The following CDH6 variants were observed in gnomAD, a reference collection of about 807,000 sequenced individuals.
CDH6 encodes cadherin-6.
In CDH6, 31 loss-of-function variants were observed where a neutral mutation model predicts 78.0. The observed-to-expected ratio is 0.40, with a 90% CI of 0.30 to 0.54. The LOEUF (loss-of-function observed/expected upper bound fraction) is 0.54, where lower values mean the gene tolerates loss of function less well. CDH6 is among the 20% of genes least tolerant of loss of function. The pLI, the probability that CDH6 is intolerant of heterozygous loss-of-function variation, is 0.56. For synonymous variants in CDH6, 376 were observed against 368.8 expected (o/e 1.02, Z -0.23); for missense variants, 724 against 975.9 (o/e 0.74, Z 3.44).
rs750696655 is a variant in CDH6, at chr5:31,326,680, A to ATTTTTTTTT, written c.*3372_*3373insTTTTTTTTT. ...CAAAGAGTTGTGCAGAAAATCTTAA[A>ATTTTTTTTT]ATTTTTTTTTTTTTTTTTTTTTTTT... is the stretch of plus-strand genomic sequence containing the variant. On this transcript the variant is annotated 3_prime_UTR_variant, in exon 12 of 12. Transcript: ENST00000265071. 7 of 130,316 alleles carry ATTTTTTTTT rather than the reference A, an allele frequency of 5.4e-5. 2 individuals are homozygous for ATTTTTTTTT. The highest frequency in any genetic ancestry group is 3.2e-5 in the Non-Finnish European group (2 of 61,678). The allele number at this position is 130,316 out of a possible 1,614,324, so 8.1% of individuals were successfully genotyped here.
chr5:31,311,573 T>C (rs1738155957), intron 7 of CDH6, among the ~76,000 whole-genome samples: 1 of 152,234 alleles, frequency 6.6e-6, no homozygotes, highest in Non-Finnish European at 1.5e-5. Context: ...TATTAGTTCA[T>C]TCTCACACTG....
chr5:31,302,798 GAGAAAGAAAGAAAGAAAGAA>G (rs1180539177), intron 6 of CDH6, among the ~76,000 whole-genome samples: 3 of 36,598 alleles, frequency 8.2e-5, no homozygotes, highest in Non-Finnish European at 1.6e-4. Flanking sequence ...GAGAGAGAGA[GAGAAAGAAAGAAAGAAAGAA>G]AGAAAGAAAG....
chr5:31,249,533 C>CAAGA (rs1741851692), intron 1 of CDH6: 1 of 152,234 alleles, frequency 6.6e-6, no homozygotes, highest in Admixed American at 6.5e-5. Flanking sequence ...GAGGAAGGAA[C>CAAGA]AAGAATACTT....
At chr5:31,212,297 T>G (rs1740729819) in intron 1 of CDH6, among the ~76,000 whole-genome samples, 1 of 152,208 alleles carries the variant, frequency 6.6e-6, no homozygotes, top group Non-Finnish European at 1.5e-5. Flanking sequence ...TTCTTCCAAA[T>G]TTTCAATCAA....
intron 1 of CDH6, among the ~76,000 whole-genome samples, chr5:31,233,227 C>CA (rs752923052): frequency 6.0e-5 from 9 of 149,782 alleles, no homozygotes; most frequent in South Asian, 4.2e-4. Flanking sequence ...ATATTTTACA[C>CA]AAAAAAATAA....
intron 3 of CDH6, among the ~76,000 whole-genome samples, chr5:31,295,087 C>T (rs1450953395): frequency 6.6e-6 from 1 of 152,136 alleles, no homozygotes; most frequent in Non-Finnish European, 1.5e-5. Context: ...ATATCAGAGA[C>T]ATTGTAGTTC....
chr5:31,271,524 T>G (rs760079773), intron 2 of CDH6, among the ~76,000 whole-genome samples: 11 of 152,296 alleles, frequency 7.2e-5, no homozygotes, highest in Non-Finnish European at 1.3e-4. Flanking sequence ...AGCTGAAATA[T>G]TGACAAACCA....
intron 1 of CDH6, among the ~76,000 whole-genome samples, chr5:31,199,349 G>GTA (rs1308367125): frequency 6.7e-6 from 1 of 149,210 alleles, no homozygotes; most frequent in Non-Finnish European, 1.5e-5. Context: ...TACATATGGT[G>GTA]TATATATATG....
rs772494090 is a variant in CDH6, at chr5:31,323,146, T to A, written c.2211T>A (p.Thr737=). The A allele has an allele frequency of 1.2e-6, 2 of 1,614,174 alleles. No individual in the cohort carries two copies. Among genetic ancestry groups the A allele is most frequent in the South Asian group, 2.2e-5 (2 of 91,084 alleles). The part of the protein sequence containing the change: ...PTAPPYDSLA[T]YAYEGTGSVA... Reference sequence around the variant, plus strand: ...CCCCGCCATACGACTCCTTGGCCACTTACGCCTATGAAGGCACTGGCTCCG... The same window carrying A: ...CCCCGCCATACGACTCCTTGGCCACATACGCCTATGAAGGCACTGGCTCCG... The change falls in exon 12 of 12, where the codon ACT becomes ACA. Residue 737 remains threonine, a synonymous_variant. Transcript: ENST00000265071.
chr5:31,256,178 C>T (rs1455288991), intron 1 of CDH6, among the ~76,000 whole-genome samples: 6 of 152,018 alleles, frequency 3.9e-5, no homozygotes, highest in Admixed American at 3.9e-4. Flanking sequence ...CATTTTTTTT[C>T]ATTTTAGTGA....
intron 1 of CDH6, among the ~76,000 whole-genome samples, chr5:31,215,698 A>G (rs945328762): frequency 3.3e-5 from 5 of 152,098 alleles, no homozygotes; most frequent in African/African-American, 9.7e-5. Flanking sequence ...TTCACCTGGT[A>G]CTCACCAGCA....
chr5:31,193,937 A>C (rs568149684), intron 1 of CDH6, 51 bp downstream of exon 1: 1 of 146,612 alleles, frequency 6.8e-6, no homozygotes, highest in South Asian at 2.2e-4. Flanking sequence ...TTTTTTTTTT[A>C]ATTCTGTAGC....
chr5:31,297,547 T>C, intron 4 of CDH6, 139 bp downstream of exon 4: 2 of 597,270 alleles, frequency 3.3e-6, no homozygotes, highest in Non-Finnish European at 5.6e-6. Context: ...GATATATTTG[T>C]AAACATGACA....
chr5:31,240,642 C>T (rs182131764), intron 1 of CDH6, among the ~76,000 whole-genome samples: 18 of 152,292 alleles, frequency 1.2e-4, no homozygotes, highest in African/African-American at 3.8e-4. Context: ...AGAAGAAACA[C>T]AGCAATTTTT....
At chr5:31,255,717 C>A (rs1240204272) in intron 1 of CDH6, among the ~76,000 whole-genome samples, 1 of 152,154 alleles carries the variant, frequency 6.6e-6, no homozygotes, top group Non-Finnish European at 1.5e-5. Flanking sequence ...GGGAAGAAAC[C>A]TTTTGGTGTT....
In CDH6 at chr5:31,312,220, T is replaced by C. The variant is rs187908343; in HGVS notation, c.1254-1098T>C. 1.1e-4 allele frequency among the ~76,000 whole-genome samples: 17 copies of C among 152,346 alleles called. No homozygotes were observed. The East Asian group carries it at 2.7e-3, about 24-fold the overall frequency. On this transcript the variant is annotated intron_variant, in intron 7 of 11. Coordinates refer to ENST00000265071, the MANE Select transcript of CDH6 (RefSeq NM_004932.4). ...TTAATCTAGAGCTTCAGACTAGATA[T>C]CTCTTCCTGAACTTTTCTCAGGCAC...
intron 1 of CDH6, among the ~76,000 whole-genome samples, chr5:31,254,796 G>A (rs546204857): frequency 2.6e-4 from 40 of 152,184 alleles, no homozygotes; most frequent in Non-Finnish European, 4.0e-4. Flanking sequence ...AGAGATAACC[G>A]GATGTATCTT....
Position 31,323,289 on chromosome 5 carries a change from A to G in CDH6, c.2354A>G (p.Asp785Gly). 1 of 1,609,970 alleles carries G rather than the reference A, an allele frequency of 6.2e-7. No individual in the cohort carries two copies. The highest frequency in any genetic ancestry group is 8.5e-7 in the Non-Finnish European group (1 of 1,176,446). ...KKLADMYGGVDSDKDS is the reference protein window; with the variant it reads ...KKLADMYGGVGSDKDS ...CTTGCAGATATGTATGGAGGAGTGG[A>G]CAGTGACAAAGACTCCTAATCTGTT... Residue 785 changes from aspartate (D) to glycine (G), a missense_variant, in exon 12 of 12, where the codon GAC (aspartate) becomes GGC (glycine). Transcript: ENST00000265071.
chr5:31,267,555 A>T lies in CDH6; in HGVS notation c.82A>T (p.Thr28Ser). 6.2e-7 allele frequency: 1 copy of T among 1,614,012 alleles called. No homozygotes were observed. The change falls in exon 2 of 12, where the codon ACT becomes TCT. Residue 28 changes from threonine (T) to serine (S), a missense_variant. Transcript: ENST00000265071. ...PTLSTPLSKR[T>S]SGFPAKKRAL... ...TCTCTCAACTCCACTATCAAAGAGG[A>T]CTAGTGGTTTCCCAGCAAAGAAAAG...
Sources: gnomAD v4.1 joint callset for allele counts (sites outside exome capture counted in the v4.1 genomes callset) on GRCh38, gnomAD v4.1.1 for gene constraint, MANE v1.5 for transcripts, NCBI Gene and HGNC (gene_info 2026-07-23, HGNC 2026-07-21) for gene names.